Variants in CA10 observed in about 807,000 individuals in gnomAD.
CA10 encodes the protein carbonic anhydrase-related protein 10.
CA10 carries 14 observed loss-of-function variants against 44.2 expected under a neutral mutation model. That is an observed-to-expected ratio of 0.32 (90% confidence interval 0.21 to 0.50). The LOEUF (loss-of-function observed/expected upper bound fraction) is 0.50. Among genes scored for constraint, CA10 ranks in the 20% least tolerant of loss-of-function variants. The pLI, the probability that CA10 is intolerant of heterozygous loss-of-function variation, is 0.99. For synonymous variants in CA10, 159 were observed against 141.6 expected, an observed-to-expected ratio of 1.12 and a Z score of -0.87; for missense variants, 350 against 409.7, an observed-to-expected ratio of 0.85 and a Z score of 1.26.
chr17:52,073,996 G>T (rs114542523), intron 1 of CA10, among the ~76,000 whole-genome samples: 1 of 152,184 alleles, frequency 6.6e-6, no homozygotes, highest in African/African-American at 2.4e-5. Flanking sequence ...CAAGTGGGTA[G>T]ACAACATTTC....
chr17:51,648,336 C>T (rs1913422010), intron 6 of CA10, among the ~76,000 whole-genome samples: 1 of 152,120 alleles, frequency 6.6e-6, no homozygotes, highest in African/African-American at 2.4e-5. Flanking sequence ...GATTCAGAAT[C>T]CCAGACCTAG....
At chr17:52,142,385 T>C (rs1989499207) in intron 1 of CA10, among the ~76,000 whole-genome samples, 1 of 152,184 alleles carries the variant, frequency 6.6e-6, no homozygotes, top group Non-Finnish European at 1.5e-5. Flanking sequence ...TCACATGTTA[T>C]GAATTTGATG....
chr17:52,096,953 C>A lies in CA10; in HGVS notation c.62-24560G>T, dbSNP rs891052199. ...TTTAACTGCAATGATACAATTCATTCATTTTAACTGCAATGTATAAATGAT... is the reference window on the plus strand; with the variant it reads ...TTTAACTGCAATGATACAATTCATTAATTTTAACTGCAATGTATAAATGAT... On this transcript the variant is annotated intron_variant, in intron 1 of 8. Coordinates refer to ENST00000451037, the MANE Select transcript of CA10 (RefSeq NM_020178.5). Among the ~76,000 whole-genome samples, 3 of 152,288 alleles carry A rather than the reference C, an allele frequency of 2.0e-5. No individual in the cohort carries two copies. In the South Asian group the frequency reaches 6.2e-4, roughly 32 times the overall value.
At chr17:51,873,346 G>A (rs1407392767) in intron 3 of CA10, among the ~76,000 whole-genome samples, 2 of 152,068 alleles carry the variant, frequency 1.3e-5, no homozygotes, top group Non-Finnish European at 2.9e-5. Context: ...TCACTTCTCT[G>A]AGCCTCGGTA....
intron 4 of CA10, among the ~76,000 whole-genome samples, chr17:51,727,399 A>AT (rs77814132): frequency 0.63 from 94,416 of 149,764 alleles, 30,113 homozygotes; most frequent in East Asian, 0.72. Context: ...CACCAAGACG[A>AT]TTTTTTTTTT....
chr17:51,840,476 AATAC>A (rs1978310221), intron 3 of CA10, among the ~76,000 whole-genome samples: 1 of 99,956 alleles, frequency 1.0e-5, no homozygotes, highest in African/African-American at 3.5e-5. Context: ...CCCAACCTTT[AATAC>A]ACACACACAC....
At chr17:51,805,570 G>C (rs896030020) in intron 3 of CA10, among the ~76,000 whole-genome samples, 2 of 152,192 alleles carry the variant, frequency 1.3e-5, no homozygotes, top group African/African-American at 4.8e-5. Flanking sequence ...CCAAGTTCTA[G>C]TATTTTAAAA....
chr17:51,986,074 G>C (rs1403997964), intron 2 of CA10, among the ~76,000 whole-genome samples: 2 of 151,874 alleles, frequency 1.3e-5, no homozygotes, highest in Non-Finnish European at 2.9e-5. Flanking sequence ...AACAAATATG[G>C]AGGCAGGTAC....
intron 3 of CA10, among the ~76,000 whole-genome samples, chr17:51,855,446 T>C (rs1030179094): frequency 6.6e-6 from 1 of 152,200 alleles, no homozygotes; most frequent in Non-Finnish European, 1.5e-5. Flanking sequence ...ACTTCAATGA[T>C]GCTAAATGCA....
At chr17:51,708,751 A>C (rs1284400972) in intron 4 of CA10, among the ~76,000 whole-genome samples, 1 of 152,196 alleles carries the variant, frequency 6.6e-6, no homozygotes, top group African/African-American at 2.4e-5. Flanking sequence ...ACGTGGAAGG[A>C]CTAGACTTGC....
chr17:52,130,931 C>T (rs925821724), intron 1 of CA10, among the ~76,000 whole-genome samples: 2 of 151,958 alleles, frequency 1.3e-5, no homozygotes, highest in African/African-American at 2.4e-5. Flanking sequence ...TAGTGAATAA[C>T]TATGTATTGT....
intron 3 of CA10, chr17:51,748,375 T>C (rs966500666): frequency 1.7e-6 from 1 of 590,960 alleles, no homozygotes; most frequent in Non-Finnish European, 2.1e-6. Context: ...CCTCAAGTGG[T>C]AAACTAAAGG....
At chr17:52,075,616 T>C (rs916185256) in intron 1 of CA10, among the ~76,000 whole-genome samples, 1 of 152,204 alleles carries the variant, frequency 6.6e-6, no homozygotes, top group African/African-American at 2.4e-5. Context: ...TCTAATATGT[T>C]GCAGAGCATA....
At chr17:51,713,558 C>A (rs890004221) in intron 4 of CA10, among the ~76,000 whole-genome samples, 1 of 152,212 alleles carries the variant, frequency 6.6e-6, no homozygotes, top group Non-Finnish European at 1.5e-5. Context: ...CAAAGGCTAG[C>A]TAGCTTCCCT....
rs149541582 is a variant in CA10 at position 51,683,382 on chromosome 17, G to C, written c.466-29646C>G. Among the ~76,000 whole-genome samples, 60 of 152,174 alleles carry C rather than the reference G, an allele frequency of 3.9e-4. No individual in the cohort carries two copies. The East Asian group carries it at 9.9e-3, about 25-fold the overall frequency. ...TAGACAAGTTAGTAAAGCTCTCCTG[G>C]TCACAGTTTTTTCTTCTGTAAAATG... is the stretch of plus-strand genomic sequence containing the variant. On this transcript the variant is annotated intron_variant, in intron 4 of 8. Coordinates refer to ENST00000451037, the MANE Select transcript of CA10 (RefSeq NM_020178.5).
intron 2 of CA10, among the ~76,000 whole-genome samples, chr17:52,054,118 G>A (rs544409735): frequency 1.8e-4 from 28 of 152,290 alleles, no homozygotes; most frequent in African/African-American, 6.7e-4. Context: ...CTGCCTGTGA[G>A]CCAGGCGGAA....
At chr17:51,682,948 A>G (rs764890386) in intron 4 of CA10, among the ~76,000 whole-genome samples, 18 of 152,218 alleles carry the variant, frequency 1.2e-4, no homozygotes, top group Non-Finnish European at 2.1e-4. Flanking sequence ...ACCACCAGGC[A>G]TGCTTATTAT....
chr17:51,635,017 T>A (rs934466701), intron 7 of CA10, among the ~76,000 whole-genome samples: 5 of 152,188 alleles, frequency 3.3e-5, no homozygotes, highest in Non-Finnish European at 7.3e-5. Flanking sequence ...GGTTGAATCG[T>A]GTACCCCTGA....
intron 2 of CA10, among the ~76,000 whole-genome samples, chr17:51,998,698 A>G (rs1985322395): frequency 6.6e-6 from 1 of 152,090 alleles, no homozygotes; most frequent in Admixed American, 6.6e-5. Flanking sequence ...CCACAGGGAA[A>G]GAGTCTAGTA....
Sources: gnomAD v4.1 joint callset for allele counts (sites outside exome capture counted in the v4.1 genomes callset) on GRCh38, gnomAD v4.1.1 for gene constraint, MANE v1.5 for transcripts, NCBI Gene and HGNC (gene_info 2026-07-23, HGNC 2026-07-21) for gene names.